RGS7: variants seen among roughly 807,000 people sequenced by gnomAD.
The protein encoded by RGS7 is regulator of G-protein signaling 7.
In RGS7, 27 loss-of-function variants were observed where a neutral mutation model predicts 81.1. The ratio of observed to expected loss-of-function variants is 0.33; its 90% CI spans 0.25 to 0.46. The LOEUF (loss-of-function observed/expected upper bound fraction) is 0.46. Among genes scored for constraint, RGS7 ranks in the 20% least tolerant of loss-of-function variants. The pLI, the probability that RGS7 is intolerant of heterozygous loss-of-function variation, is 1.00. For synonymous variants in RGS7, 208 were observed against 207.7 expected (o/e 1.00, Z -0.01); for missense variants, 396 against 607.4 (o/e 0.65, Z 3.66).
At chr1:240,908,450 CT>C (rs931004659) in intron 6 of RGS7, among the ~76,000 whole-genome samples, 32 of 152,122 alleles carry the variant, frequency 2.1e-4, no homozygotes, top group African/African-American at 7.5e-4. Flanking sequence ...AATGTCTTTC[CT>C]GTAGTTCTTA....
At chr1:240,960,546 C>CTTT (rs5782170) in intron 4 of RGS7, among the ~76,000 whole-genome samples, 12 of 113,720 alleles carry the variant, frequency 1.1e-4, no homozygotes, top group African/African-American at 3.3e-4. Context: ...CTGGGCTGTT[C>CTTT]TTTTTTTTTT....
chr1:241,041,774 C>A (rs1417448920), intron 3 of RGS7, among the ~76,000 whole-genome samples: 1 of 152,094 alleles, frequency 6.6e-6, no homozygotes, highest in Non-Finnish European at 1.5e-5. Context: ...CTCTTAGCAC[C>A]CAGGCTCAGG....
chr1:241,298,956 G>T (rs1202142781), intron 2 of RGS7, among the ~76,000 whole-genome samples: 1 of 152,156 alleles, frequency 6.6e-6, no homozygotes, highest in Non-Finnish European at 1.5e-5. Context: ...GGTCAATTGA[G>T]CTGCGCGTGC....
chr1:241,207,348 C>CATAT (rs540737449), intron 2 of RGS7, among the ~76,000 whole-genome samples: 3 of 143,780 alleles, frequency 2.1e-5, no homozygotes, highest in Admixed American at 7.1e-5. Flanking sequence ...CTTTAAAATG[C>CATAT]ATATATATAT....
intron 2 of RGS7, among the ~76,000 whole-genome samples, chr1:241,337,811 A>C (rs1370907009): frequency 1.3e-5 from 2 of 152,038 alleles, no homozygotes; most frequent in Non-Finnish European, 2.9e-5. Flanking sequence ...TCTTCCACCA[A>C]CCTACCTTCC....
At chr1:240,874,059 T>C (rs371979764) in intron 6 of RGS7, among the ~76,000 whole-genome samples, 9 of 152,122 alleles carry the variant, frequency 5.9e-5, no homozygotes, top group African/African-American at 2.2e-4. Context: ...CTTTTATTAA[T>C]AGACTCGAAG....
chr1:240,988,627 A>G (rs77566229), intron 3 of RGS7, among the ~76,000 whole-genome samples: 3,712 of 152,300 alleles, frequency 0.024, 121 homozygotes, highest in African/African-American at 0.072. Context: ...AGCCTTAAAT[A>G]TGATTGCACA....
intron 3 of RGS7, among the ~76,000 whole-genome samples, chr1:240,995,949 T>C (rs1205769249): frequency 6.6e-6 from 1 of 152,104 alleles, no homozygotes. Context: ...ACATTTATGT[T>C]ATAAATATTT....
chr1:240,923,238 C>G (rs1271773885), intron 6 of RGS7, among the ~76,000 whole-genome samples: 1 of 151,828 alleles, frequency 6.6e-6, no homozygotes, highest in Non-Finnish European at 1.5e-5. Flanking sequence ...GGCAGTGAAA[C>G]TAAATGGTGG....
At chr1:241,312,381 G>A (rs1287864110) in intron 2 of RGS7, among the ~76,000 whole-genome samples, 1 of 152,154 alleles carries the variant, frequency 6.6e-6, no homozygotes. Flanking sequence ...CTGAAAGTTT[G>A]TGACAACTCC....
At chr1:241,253,226 TAGTAGG>T (rs1343412051) in intron 2 of RGS7, among the ~76,000 whole-genome samples, 2 of 152,172 alleles carry the variant, frequency 1.3e-5, no homozygotes, top group African/African-American at 4.8e-5. Context: ...AGCATGCTAT[TAGTAGG>T]AGACAAGCAG....
intron 2 of RGS7, among the ~76,000 whole-genome samples, chr1:241,349,656 C>T (rs531070051): frequency 6.6e-6 from 1 of 152,244 alleles, no homozygotes; most frequent in East Asian, 1.9e-4. Context: ...GAACTGGGCA[C>T]CCACTCTATC....
intron 3 of RGS7, among the ~76,000 whole-genome samples, chr1:241,027,110 G>A (rs958854516): frequency 6.6e-6 from 1 of 151,782 alleles, no homozygotes; most frequent in Non-Finnish European, 1.5e-5. Context: ...GGCTGAGGCA[G>A]GAAGATCACT....
chr1:241,071,293 C>T (rs2062424872), intron 3 of RGS7, among the ~76,000 whole-genome samples: 1 of 152,122 alleles, frequency 6.6e-6, no homozygotes. Context: ...ATCCATTCAC[C>T]TTTCATGGCA....
chr1:241,073,380 A>C (rs2062594922), intron 3 of RGS7, among the ~76,000 whole-genome samples: 1 of 152,180 alleles, frequency 6.6e-6, no homozygotes, highest in South Asian at 2.1e-4. Flanking sequence ...TTGTATTCTT[A>C]GTGCATTTCA....
chr1:241,169,257 C>A (rs889554922), intron 2 of RGS7, among the ~76,000 whole-genome samples: 10 of 151,070 alleles, frequency 6.6e-5, no homozygotes, highest in African/African-American at 2.4e-4. Context: ...TTAAGTTTAT[C>A]CTCCTTAAGA....
chr1:241,125,851 G>GA (rs2066620997), intron 2 of RGS7, among the ~76,000 whole-genome samples: 1 of 152,008 alleles, frequency 6.6e-6, no homozygotes, highest in African/African-American at 2.4e-5. Context: ...TTCCTCTTAG[G>GA]AACTGAAAGT....
At chr1:240,854,260 C>T (rs1429171465) in intron 9 of RGS7, among the ~76,000 whole-genome samples, 1 of 152,212 alleles carries the variant, frequency 6.6e-6, no homozygotes, top group Non-Finnish European at 1.5e-5. Context: ...AAGCTTCACT[C>T]TTGATAATAC....
chr1:241,190,978 C>T (rs1015448396), intron 2 of RGS7, among the ~76,000 whole-genome samples: 7 of 151,426 alleles, frequency 4.6e-5, no homozygotes, highest in East Asian at 1.9e-4. Context: ...GAAAATTCTC[C>T]GCTATTGCCA....
Sources: allele counts gnomAD v4.1 joint callset (sites outside exome capture counted in the v4.1 genomes callset), GRCh38; gene constraint gnomAD v4.1.1; transcripts MANE v1.5; gene names NCBI Gene and HGNC (gene_info 2026-07-23, HGNC 2026-07-21).